The following ZSWIM6 variants were observed in gnomAD, a reference collection of about 807,000 sequenced individuals.
ZSWIM6 encodes the protein zinc finger SWIM-type containing 6, also known as zinc finger SWIM domain-containing protein 6.
A neutral mutation model predicts 113.2 loss-of-function variants in ZSWIM6; 9 were observed. The ratio of observed to expected loss-of-function variants is 0.08; its 90% confidence interval spans 0.05 to 0.14. The LOEUF is 0.14. Among genes scored for constraint, ZSWIM6 ranks in the 10% least tolerant of loss-of-function variants. The pLI, the probability that ZSWIM6 is intolerant of heterozygous loss-of-function variation, is 1.00. For synonymous variants in ZSWIM6, 611 were observed against 606.5 expected (o/e 1.01, Z -0.11); for missense variants, 1,162 against 1,552.2 (o/e 0.75, Z 4.22).
At chr5:61,525,692 A>G (rs1749254998) in intron 5 of ZSWIM6, 108 bp from the exon 6 acceptor site, 4 of 1,308,468 alleles carry the variant, frequency 3.1e-6, no homozygotes, top group Non-Finnish European at 4.2e-6. Context: ...GGGGTGCAGG[A>G]CAATGTGTGT....
intron 1 of ZSWIM6, among the ~76,000 whole-genome samples, chr5:61,333,953 C>A (rs1744328557): frequency 6.6e-6 from 1 of 152,144 alleles, no homozygotes; most frequent in Admixed American, 6.5e-5. Context: ...CGGCCGCTCC[C>A]GCGTCCCCGC....
chr5:61,519,582 G>A (rs1405293560), intron 4 of ZSWIM6, among the ~76,000 whole-genome samples: 1 of 151,996 alleles, frequency 6.6e-6, no homozygotes, highest in East Asian at 1.9e-4. Context: ...GTTATCATTG[G>A]GAGGGACGGG....
At chr5:61,391,258 A>G (rs1001899611) in intron 1 of ZSWIM6, 26 of 898,776 alleles carry the variant, frequency 2.9e-5, no homozygotes, top group Non-Finnish European at 2.8e-5. Context: ...GTTCACAGGT[A>G]CCTGCTGCTC....
chr5:61,519,068 T>G (rs1419015693), intron 4 of ZSWIM6, among the ~76,000 whole-genome samples: 2 of 152,192 alleles, frequency 1.3e-5, no homozygotes, highest in Admixed American at 6.5e-5. Flanking sequence ...TTGCTTGTTT[T>G]TCTCTTTCCC....
intron 1 of ZSWIM6, among the ~76,000 whole-genome samples, chr5:61,386,909 G>A (rs920749918): frequency 1.6e-4 from 24 of 152,156 alleles, no homozygotes; most frequent in Admixed American, 2.6e-4. Context: ...CTTTATCCAC[G>A]TGCTCCTGCC....
At chr5:61,391,352 G>A in intron 1 of ZSWIM6, 1 of 823,388 alleles carries the variant, frequency 1.2e-6, no homozygotes, top group South Asian at 1.3e-5. Flanking sequence ...TTCCTCTGGT[G>A]CAGAGGAAGC....
intron 1 of ZSWIM6, among the ~76,000 whole-genome samples, chr5:61,363,608 ATTAG>A (rs1745077613): frequency 6.6e-6 from 1 of 152,142 alleles, no homozygotes; most frequent in South Asian, 2.1e-4. Flanking sequence ...TGCCTTAATG[ATTAG>A]TTGGCTTGGG....
intron 1 of ZSWIM6, among the ~76,000 whole-genome samples, chr5:61,358,005 A>G (rs1305671355): frequency 2.6e-5 from 4 of 152,280 alleles, no homozygotes; most frequent in East Asian, 3.9e-4. Flanking sequence ...ATTTTTGACA[A>G]CTTTCCTGGA....
chr5:61,488,369 C>T (rs900667182), intron 2 of ZSWIM6, among the ~76,000 whole-genome samples: 1 of 151,910 alleles, frequency 6.6e-6, no homozygotes, highest in African/African-American at 2.4e-5. Context: ...TGACATTAGC[C>T]TTGTGTAATG....
chr5:61,413,037 T>A (rs1746176544), intron 1 of ZSWIM6, among the ~76,000 whole-genome samples: 1 of 151,870 alleles, frequency 6.6e-6, no homozygotes. Flanking sequence ...TTATTATTAT[T>A]ATACTTTAAG....
chr5:61,386,952 C>T (rs894765158), intron 1 of ZSWIM6, among the ~76,000 whole-genome samples: 2 of 152,126 alleles, frequency 1.3e-5, no homozygotes, highest in African/African-American at 2.4e-5. Flanking sequence ...ATTTATGGGC[C>T]GGTTCCTTTA....
At chr5:61,510,695 G>T (rs930497019) in intron 4 of ZSWIM6, among the ~76,000 whole-genome samples, 1 of 152,134 alleles carries the variant, frequency 6.6e-6, no homozygotes, top group African/African-American at 2.4e-5. Flanking sequence ...CCAGCAATTT[G>T]ATAATAGCCT....
At chr5:61,531,407 A>C in intron 8 of ZSWIM6, 58 bp from the exon 9 acceptor site, 1 of 1,506,758 alleles carries the variant, frequency 6.6e-7, no homozygotes, top group African/African-American at 1.4e-5. Flanking sequence ...ATTTGTACTT[A>C]TCATATCATC....
intron 1 of ZSWIM6, among the ~76,000 whole-genome samples, chr5:61,428,054 C>T (rs1239807644): frequency 1.3e-5 from 2 of 151,852 alleles, no homozygotes; most frequent in Non-Finnish European, 2.9e-5. Flanking sequence ...GGCTCTTGGA[C>T]AGGTTAGGTA....
intron 7 of ZSWIM6, among the ~76,000 whole-genome samples, chr5:61,528,397 C>CAT (rs1317861116): frequency 4.0e-5 from 6 of 151,722 alleles, no homozygotes; most frequent in South Asian, 2.1e-4. Context: ...CATATATATA[C>CAT]ATATATATAT....
intron 1 of ZSWIM6, among the ~76,000 whole-genome samples, chr5:61,442,959 T>C (rs1256612957): frequency 6.6e-6 from 1 of 152,216 alleles, no homozygotes; most frequent in African/African-American, 2.4e-5. Flanking sequence ...TTAAAAATTA[T>C]TTCAGTCTTC....
At chr5:61,497,394 A>T (rs949453074) in intron 4 of ZSWIM6, among the ~76,000 whole-genome samples, 5 of 152,216 alleles carry the variant, frequency 3.3e-5, no homozygotes, top group Admixed American at 6.5e-5. Flanking sequence ...AAGTGAATAT[A>T]TGAAAACTTA....
At chr5:61,528,003 A>G (rs1216382906) in intron 7 of ZSWIM6, among the ~76,000 whole-genome samples, 1 of 152,110 alleles carries the variant, frequency 6.6e-6, no homozygotes, top group African/African-American at 2.4e-5. Context: ...TCTTAGACCC[A>G]TTTCTCTTTT....
chr5:61,517,473 T>C (rs1748980565), intron 4 of ZSWIM6, among the ~76,000 whole-genome samples: 1 of 152,060 alleles, frequency 6.6e-6, no homozygotes, highest in Non-Finnish European at 1.5e-5. Flanking sequence ...GTTTAGTTCA[T>C]TTTTTTATAG....
Sources: gnomAD v4.1 joint callset for allele counts (sites outside exome capture counted in the v4.1 genomes callset) on GRCh38, gnomAD v4.1.1 for gene constraint, MANE v1.5 for transcripts, NCBI Gene and HGNC (gene_info 2026-07-23, HGNC 2026-07-21) for gene names.